The following TRAPPC9 variants were observed in gnomAD, a reference collection of about 807,000 sequenced individuals.
TRAPPC9 encodes IKK2 binding protein.
TRAPPC9 carries 83 observed loss-of-function variants against 124.0 expected under a neutral mutation model. That is an observed-to-expected ratio of 0.67 (90% CI 0.56 to 0.80). The LOEUF (loss-of-function observed/expected upper bound fraction) is 0.80. Among genes scored for constraint, TRAPPC9 ranks in the 30% least tolerant of loss-of-function variants. The probability of loss-of-function intolerance (pLI) is 0.00; values close to 1 mark genes in which losing one functional copy is unlikely to be tolerated. For missense variants in TRAPPC9, 1,302 were observed against 1,508.3 expected (o/e 0.86, Z 2.27); for synonymous variants, 638 against 617.5 (o/e 1.03, Z -0.49).
Position 140,211,096 on chromosome 8 carries a change from T to C in TRAPPC9, c.2556+10363A>G, listed in dbSNP as rs60483573. Among the ~76,000 whole-genome samples, 356 of 152,210 alleles carry C rather than the reference T, an allele frequency of 2.3e-3. 1 individual carries two copies. Among genetic ancestry groups the C allele is most frequent in the African/African-American group, 8.1e-3 (335 of 41,536 alleles). On this transcript the variant is annotated intron_variant, in intron 17 of 22. Transcript: ENST00000438773. ...TTGGTCCATTTGCAACTGTAATTAT[T>C]AAAATGTAAAAGTTAGCTGGGTGTG...
intron 4 of TRAPPC9, among the ~76,000 whole-genome samples, chr8:140,427,394 CA>C (rs2070467062): frequency 1.3e-5 from 2 of 152,004 alleles, no homozygotes; most frequent in Non-Finnish European, 2.9e-5. Flanking sequence ...CACACACACA[CA>C]CACACACACA....
In TRAPPC9 at chr8:140,197,417, G is replaced by A. The variant is rs564039155; in HGVS notation, c.2556+24042C>T. Among the ~76,000 whole-genome samples the A allele has an allele frequency of 8.6e-5, 13 of 151,906 alleles. No individual in the cohort carries two copies. In the South Asian group the frequency reaches 2.3e-3, roughly 27 times the overall value. On this transcript the variant is annotated intron_variant, in intron 17 of 22. Coordinates refer to ENST00000438773, the MANE Select transcript of TRAPPC9 (RefSeq NM_001160372.4). ...CCTCCTCACTTTGCAGATGAGAGCCGTGAGGCCCAGAGCAGCACGGTGACT... is the reference window on the plus strand; with the variant it reads ...CCTCCTCACTTTGCAGATGAGAGCCATGAGGCCCAGAGCAGCACGGTGACT...
chr8:140,143,554 A>T (rs1241333116), intron 17 of TRAPPC9, among the ~76,000 whole-genome samples: 1 of 152,236 alleles, frequency 6.6e-6, no homozygotes, highest in Non-Finnish European at 1.5e-5. Flanking sequence ...TAATAGAATC[A>T]AACTGATCAA....
At chr8:140,069,227 A>C (rs991100988) in intron 17 of TRAPPC9, among the ~76,000 whole-genome samples, 2 of 152,170 alleles carry the variant, frequency 1.3e-5, no homozygotes, top group African/African-American at 4.8e-5. Context: ...TTCTCTCACC[A>C]CTGAGTGTAG....
At chr8:139,840,948 G>A (rs1826688108) in intron 21 of TRAPPC9, among the ~76,000 whole-genome samples, 1 of 152,140 alleles carries the variant, frequency 6.6e-6, no homozygotes, top group South Asian at 2.1e-4. Context: ...CTCGGGTCTG[G>A]GAGGTACAAA....
intron 1 of TRAPPC9, among the ~76,000 whole-genome samples, chr8:140,452,598 C>A (rs981982512): frequency 2.6e-5 from 4 of 152,140 alleles, no homozygotes; most frequent in Admixed American, 6.5e-5. Flanking sequence ...CCTCTCTGAG[C>A]CAATTTTGTC....
At chr8:139,936,555 G>A (rs886085416) in intron 19 of TRAPPC9, among the ~76,000 whole-genome samples, 1 of 152,260 alleles carries the variant, frequency 6.6e-6, no homozygotes, top group African/African-American at 2.4e-5. Context: ...CTAGGCCCCT[G>A]AGCAAGGGCA....
chr8:139,922,017 T>C (rs1832539525), intron 19 of TRAPPC9, among the ~76,000 whole-genome samples: 1 of 152,090 alleles, frequency 6.6e-6, no homozygotes, highest in Non-Finnish European at 1.5e-5. Context: ...CAAAGGCTAG[T>C]GTTCAGAACA....
intron 21 of TRAPPC9, among the ~76,000 whole-genome samples, chr8:139,748,480 G>A (rs1361475727): frequency 6.9e-6 from 1 of 144,102 alleles, no homozygotes; most frequent in Non-Finnish European, 1.5e-5. Flanking sequence ...CACACAGCAG[G>A]TGTCAGAGCA....
intron 18 of TRAPPC9, among the ~76,000 whole-genome samples, chr8:140,007,533 T>C (rs901543465): frequency 5.9e-5 from 9 of 152,196 alleles, no homozygotes; most frequent in African/African-American, 1.9e-4. Flanking sequence ...AACTCTACAA[T>C]GATTAAACAA....
chr8:140,344,408 TTTC>T (rs1300383109), intron 9 of TRAPPC9, among the ~76,000 whole-genome samples: 1 of 152,224 alleles, frequency 6.6e-6, no homozygotes, highest in African/African-American at 2.4e-5. Context: ...GTTACATGAC[TTTC>T]CCCTGCTGCA....
chr8:140,324,103 C>A (rs2066674684), intron 9 of TRAPPC9, among the ~76,000 whole-genome samples: 2 of 152,110 alleles, frequency 1.3e-5, no homozygotes, highest in South Asian at 4.1e-4. Context: ...GCCTTGCATC[C>A]TTACAGCTTA....
At chr8:140,126,720 C>T (rs556925065) in intron 17 of TRAPPC9, among the ~76,000 whole-genome samples, 1 of 152,314 alleles carries the variant, frequency 6.6e-6, no homozygotes, top group East Asian at 1.9e-4. Flanking sequence ...CTCAGTCTGG[C>T]TAACTTTACC....
In TRAPPC9 at chr8:139,802,571, G is replaced by A. The variant is rs574742695; in HGVS notation, c.3056-70369C>T. On this transcript the variant is annotated intron_variant, in intron 21 of 22. Transcript: ENST00000438773. ...TTGCTACTAAACCGTTCACAGGATC[G>A]CTGTGAGGATGAAATATCATAGTGA... Among the ~76,000 whole-genome samples the A allele has an allele frequency of 2.0e-5, 3 of 152,300 alleles. No individual in the cohort carries two copies. In the East Asian group the frequency reaches 5.8e-4, roughly 29 times the overall value.
intron 21 of TRAPPC9, among the ~76,000 whole-genome samples, chr8:139,800,944 C>T (rs1823468835): frequency 6.6e-6 from 1 of 151,300 alleles, no homozygotes; most frequent in South Asian, 2.1e-4. Flanking sequence ...GGCACCTTCC[C>T]TCCATCCGGT....
intron 11 of TRAPPC9, 39 bp from the exon 12 acceptor site, chr8:140,291,117 T>C (rs757000956): frequency 6.4e-7 from 1 of 1,573,802 alleles, no homozygotes; most frequent in African/African-American, 1.3e-5. Flanking sequence ...CATGTATTAG[T>C]TGGTATTTTT....
intron 17 of TRAPPC9, among the ~76,000 whole-genome samples, chr8:140,111,774 T>C (rs1439366939): frequency 2.0e-5 from 3 of 152,268 alleles, no homozygotes; most frequent in Non-Finnish European, 4.4e-5. Flanking sequence ...CAAGGCAAGA[T>C]ACTTTGTCCT....
chr8:140,193,704 C>T (rs1387752540), intron 17 of TRAPPC9, among the ~76,000 whole-genome samples: 1 of 150,954 alleles, frequency 6.6e-6, no homozygotes, highest in Non-Finnish European at 1.5e-5. Context: ...TGAAACCAGT[C>T]CACAGGAGGC....
At chr8:139,736,517 T>A (rs1818173426) in intron 21 of TRAPPC9, among the ~76,000 whole-genome samples, 1 of 152,180 alleles carries the variant, frequency 6.6e-6, no homozygotes, top group Admixed American at 6.5e-5. Context: ...CTCTTCCCCA[T>A]GACACAGAGG....
Sources: gnomAD v4.1 joint callset for allele counts (sites outside exome capture counted in the v4.1 genomes callset) on GRCh38, gnomAD v4.1.1 for gene constraint, MANE v1.5 for transcripts, NCBI Gene and HGNC (gene_info 2026-07-23, HGNC 2026-07-21) for gene names.